USH2A: variants seen among roughly 807,000 people sequenced by gnomAD.
The protein encoded by USH2A is Usher syndrome 2A (autosomal recessive, mild).
USH2A carries 443 observed loss-of-function variants against 538.9 expected under a neutral mutation model. That is an observed-to-expected ratio of 0.82 (90% CI 0.76 to 0.89). The LOEUF is 0.89. Among genes scored for constraint, USH2A ranks in the 40% least tolerant of loss-of-function variants. The pLI is 0.00. For missense variants in USH2A, 6,633 were observed against 6,324.8 expected (o/e 1.05, Z -1.65); for synonymous variants, 2,413 against 2,273.5 (o/e 1.06, Z -1.75).
At chr1:216,308,920 A>C (rs1477035275) in intron 9 of USH2A, among the ~76,000 whole-genome samples, 4 of 152,230 alleles carry the variant, frequency 2.6e-5, no homozygotes, top group Non-Finnish European at 4.4e-5. Flanking sequence ...CCTCAGCACA[A>C]GTACCATGCT....
chr1:216,106,661 G>C (rs895719059), intron 21 of USH2A, among the ~76,000 whole-genome samples: 3 of 148,162 alleles, frequency 2.0e-5, no homozygotes, highest in Non-Finnish European at 4.5e-5. Flanking sequence ...CCATTTCATT[G>C]ATATCCAATT....
chr1:216,384,948 T>G (rs551698253), intron 3 of USH2A, among the ~76,000 whole-genome samples: 26 of 152,248 alleles, frequency 1.7e-4, no homozygotes, highest in African/African-American at 4.8e-4. Flanking sequence ...GGTGAAAAAG[T>G]GAAGCTTCAT....
chr1:216,310,065 T>A (rs1158189131), intron 9 of USH2A, among the ~76,000 whole-genome samples: 1 of 152,164 alleles, frequency 6.6e-6, no homozygotes, highest in Non-Finnish European at 1.5e-5. Context: ...CATTATAAAA[T>A]GAGCTGGTTT....
At chr1:216,088,883 T>C (rs2102565037) in intron 23 of USH2A, 130 bp downstream of exon 23, 1 of 1,412,982 alleles carries the variant, frequency 7.1e-7, no homozygotes, top group Non-Finnish European at 9.7e-7. Context: ...CAAAGGCAAA[T>C]TCAACAGCAA....
At chr1:216,153,780 T>G (rs1261893080) in intron 21 of USH2A, among the ~76,000 whole-genome samples, 1 of 152,218 alleles carries the variant, frequency 6.6e-6, no homozygotes. Flanking sequence ...AACAGCTCTG[T>G]AAATTAAAGT....
chr1:216,006,830 C>T (rs938518170), intron 32 of USH2A, among the ~76,000 whole-genome samples: 2 of 152,128 alleles, frequency 1.3e-5, no homozygotes, highest in African/African-American at 4.8e-5. Flanking sequence ...TCATACTAAC[C>T]TATTTTATTT....
At chr1:216,012,687 T>G (rs919467164) in intron 32 of USH2A, among the ~76,000 whole-genome samples, 12 of 152,174 alleles carry the variant, frequency 7.9e-5, no homozygotes, top group Non-Finnish European at 1.3e-4. Context: ...AAAGGTCTTT[T>G]AAAAACACAC....
Position 216,199,677 on chromosome 1 carries a change from A to C in USH2A, c.3761T>G (p.Ile1254Ser). 6.2e-7 allele frequency: 1 copy of C among 1,614,014 alleles called. No homozygotes were observed. Among genetic ancestry groups the C allele is most frequent in the Non-Finnish European group, 8.5e-7 (1 of 1,179,980 alleles). Residue 1254 changes from isoleucine (I) to serine (S), a missense_variant, in exon 17 of 72, where the codon ATC becomes AGC. Transcript: ENST00000307340. ...TTCTACATGAAGTTCTGTAGAACTG[A>C]TTTTCTGCATCTTAGGTGGACTTAG... ...QRLSPPKMQK[I>S]SSTELHVEWS...
intron 21 of USH2A, among the ~76,000 whole-genome samples, chr1:216,147,210 C>G (rs540409125): frequency 6.6e-6 from 1 of 151,978 alleles, no homozygotes; most frequent in Non-Finnish European, 1.5e-5. Context: ...TCTGACCTCT[C>G]CCTTCCTCCC....
chr1:215,788,432 A>T (rs1404476478), intron 51 of USH2A, among the ~76,000 whole-genome samples: 1 of 152,206 alleles, frequency 6.6e-6, no homozygotes, highest in Non-Finnish European at 1.5e-5. Context: ...TGCATGAAGC[A>T]TCACAAGATG....
intron 56 of USH2A, among the ~76,000 whole-genome samples, chr1:215,766,469 C>T (rs767801741): frequency 9.9e-5 from 15 of 152,138 alleles, no homozygotes; most frequent in Non-Finnish European, 1.3e-4. Context: ...AAAATCAACT[C>T]TATAAAGGTT....
intron 55 of USH2A, among the ~76,000 whole-genome samples, chr1:215,778,140 C>T (rs1188673751): frequency 4.6e-5 from 7 of 151,774 alleles, no homozygotes; most frequent in East Asian, 3.9e-4. Flanking sequence ...CAACCTCTGC[C>T]GCCCAGGTTG....
At chr1:216,376,592 T>C (rs2038825498) in intron 3 of USH2A, among the ~76,000 whole-genome samples, 1 of 152,180 alleles carries the variant, frequency 6.6e-6, no homozygotes, top group Admixed American at 6.5e-5. Context: ...ATCTCTTAAA[T>C]CACAGTAATA....
chr1:216,389,125 G>A (rs1389704718), intron 3 of USH2A, among the ~76,000 whole-genome samples: 3 of 152,054 alleles, frequency 2.0e-5, no homozygotes, highest in Non-Finnish European at 4.4e-5. Flanking sequence ...CTTTATCATC[G>A]CATGCTTCAG....
intron 19 of USH2A, 109 bp from the exon 20 acceptor site, chr1:216,190,476 G>T: frequency 1.4e-6 from 2 of 1,411,844 alleles, no homozygotes; most frequent in South Asian, 1.2e-5. Context: ...GGGAATTATT[G>T]CCAACCACCA....
At chr1:216,039,849 A>G (rs1036972005) in intron 32 of USH2A, among the ~76,000 whole-genome samples, 3 of 151,982 alleles carry the variant, frequency 2.0e-5, no homozygotes, top group Admixed American at 2.0e-4. Context: ...TAAGATGAGC[A>G]TTTCTATTTT....
At chr1:215,777,446 T>C (rs975433518) in intron 55 of USH2A, among the ~76,000 whole-genome samples, 3 of 152,254 alleles carry the variant, frequency 2.0e-5, no homozygotes, top group African/African-American at 7.2e-5. Context: ...GTTAAGTTGA[T>C]AGATACTACA....
At chr1:216,053,633 A>G (rs1461331596) in intron 30 of USH2A, among the ~76,000 whole-genome samples, 3 of 152,146 alleles carry the variant, frequency 2.0e-5, no homozygotes, top group Non-Finnish European at 4.4e-5. Context: ...CAATAAGCAT[A>G]AAGTAAGCAT....
At position 215,628,987 on chromosome 1, in the gene USH2A, G is replaced by A. The variant is rs759899869; in HGVS notation, c.15346C>T (p.Arg5116Cys). Residue 5116 changes from arginine (R) to cysteine (C), a missense_variant, in exon 71 of 72, where the codon CGC becomes TGC. Transcript: ENST00000307340. ...AGGACACATGCACTCCGGTTGCTGC[G>A]GATACTCACAGGTGTCCCAGACCGG... is the stretch of plus-strand genomic sequence containing the variant. ...IPRSGTPVSI[R>C]SNRSACVLRI... 5.0e-6 allele frequency: 8 copies of A among 1,613,686 alleles called. No homozygotes were observed. The highest frequency in any genetic ancestry group is 3.3e-5 in the South Asian group (3 of 91,054).
Sources: allele counts gnomAD v4.1 joint callset (sites outside exome capture counted in the v4.1 genomes callset), GRCh38; gene constraint gnomAD v4.1.1; transcripts MANE v1.5; gene names NCBI Gene and HGNC (gene_info 2026-07-23, HGNC 2026-07-21).